Variants in ZDHHC14 observed in about 807,000 individuals in gnomAD.
ZDHHC14 encodes zDHHC palmitoyltransferase 14.
Under a neutral mutation model 47.7 loss-of-function variants are expected in ZDHHC14, and 16 were observed. The ratio of observed to expected loss-of-function variants is 0.34; its 90% CI spans 0.23 to 0.51. ZDHHC14 has a LOEUF of 0.51. Ranked by LOEUF, ZDHHC14 falls within the 20% of genes least tolerant of loss-of-function variation. The pLI, the probability that ZDHHC14 is intolerant of heterozygous loss-of-function variation, is 0.97. For synonymous variants in ZDHHC14, 293 were observed against 278.9 expected, an observed-to-expected ratio of 1.05 and a Z score of -0.50; for missense variants, 515 against 662.5, an observed-to-expected ratio of 0.78 and a Z score of 2.44.
At chr6:157,497,911 C>T (rs1173870922) in intron 1 of ZDHHC14, among the ~76,000 whole-genome samples, 2 of 152,176 alleles carry the variant, frequency 1.3e-5, no homozygotes, top group East Asian at 1.9e-4. Flanking sequence ...TTTCTGTCTT[C>T]TCATAGCTTA....
chr6:157,518,580 C>A (rs1214147327), intron 1 of ZDHHC14, among the ~76,000 whole-genome samples: 1 of 152,142 alleles, frequency 6.6e-6, no homozygotes, highest in Non-Finnish European at 1.5e-5. Context: ...AGGTGACACC[C>A]AACCGCCCCG....
At chr6:157,653,727 C>A in intron 8 of ZDHHC14, 100 bp downstream of exon 8, 2 of 1,224,280 alleles carry the variant, frequency 1.6e-6, no homozygotes, top group Non-Finnish European at 2.3e-6. Flanking sequence ...TCCCCAGGAG[C>A]GGGGGCAGCC....
intron 2 of ZDHHC14, among the ~76,000 whole-genome samples, chr6:157,569,284 T>C (rs1009264194): frequency 7.9e-5 from 12 of 152,070 alleles, no homozygotes; most frequent in Non-Finnish European, 5.9e-5. Context: ...TTTTAGTCTC[T>C]GGTATGTCTT....
intron 1 of ZDHHC14, among the ~76,000 whole-genome samples, chr6:157,500,084 G>C (rs1487610925): frequency 6.6e-6 from 1 of 152,212 alleles, no homozygotes; most frequent in African/African-American, 2.4e-5. Flanking sequence ...TTGAGGAGAT[G>C]AGGCTGTGTT....
chr6:157,593,461 G>T (rs568939717), intron 3 of ZDHHC14, among the ~76,000 whole-genome samples: 28 of 152,286 alleles, frequency 1.8e-4, no homozygotes, highest in Non-Finnish European at 3.5e-4. Context: ...ATTGCCACAG[G>T]TCTGGCCACA....
chr6:157,415,436 G>T (rs1777954336), intron 1 of ZDHHC14, among the ~76,000 whole-genome samples: 1 of 152,192 alleles, frequency 6.6e-6, no homozygotes. Flanking sequence ...ATTGAGGAAA[G>T]AATAGAAATT....
intron 1 of ZDHHC14, among the ~76,000 whole-genome samples, chr6:157,383,293 AT>A (rs1359633766): frequency 6.6e-6 from 1 of 152,176 alleles, no homozygotes; most frequent in Non-Finnish European, 1.5e-5. Flanking sequence ...TCCCCTCAGA[AT>A]TTAAAGAAAG....
In ZDHHC14 at chr6:157,381,899, G is replaced by A. The variant is rs1197605328; in HGVS notation, c.-123G>A. 8.4e-5 allele frequency: 72 copies of A among 861,958 alleles called. No individual in the cohort carries two copies. The highest frequency in any genetic ancestry group is 5.8e-4 in the Middle Eastern group (1 of 1,714). 53.4% of individuals were successfully genotyped at this position (861,958 alleles called of 1,614,324 possible). A position where few individuals can be genotyped will look rare whatever the true frequency, so the allele number is the denominator to read the frequency against. On this transcript the variant is annotated 5_prime_UTR_variant, in exon 1 of 9. Coordinates refer to ENST00000359775, the MANE Select transcript of ZDHHC14 (RefSeq NM_024630.3). ...AGTTGTCGCCGAGCCGGGAGCCCGT[G>A]TAGGGGCCGCGGCGCCGCGGCTCGG...
rs552502003 is a variant in ZDHHC14 at position 157,468,488 on chromosome 6, C to T, written c.246-74097C>T. On this transcript the variant is annotated intron_variant, in intron 1 of 8. Coordinates refer to ENST00000359775, the MANE Select transcript of ZDHHC14 (RefSeq NM_024630.3). Reference sequence around the variant, plus strand: ...TGCCTGTCCAGTTAGAAAGAAGGTTCTTCTCAAGGATTGCAAACATGTGGC... The same window carrying T: ...TGCCTGTCCAGTTAGAAAGAAGGTTTTTCTCAAGGATTGCAAACATGTGGC... Among the ~76,000 whole-genome samples the T allele has an allele frequency of 1.9e-4, 29 of 152,330 alleles. 1 individual carries two copies. Among genetic ancestry groups the T allele is most frequent in the African/African-American group, 6.5e-4 (27 of 41,576 alleles).
chr6:157,619,719 T>G (rs968544888), intron 3 of ZDHHC14, among the ~76,000 whole-genome samples: 184 of 152,252 alleles, frequency 1.2e-3, no homozygotes, highest in African/African-American at 4.2e-3. Context: ...GGTTTGTTTT[T>G]TTTTTTTAAC....
chr6:157,629,586 A>T (rs529643776), intron 4 of ZDHHC14: 1 of 152,294 alleles, frequency 6.6e-6, no homozygotes, highest in South Asian at 2.1e-4. Flanking sequence ...ATATTAGTCA[A>T]ATTGGGCCGT....
chr6:157,605,062 C>T (rs952742980), intron 3 of ZDHHC14, among the ~76,000 whole-genome samples: 1 of 152,198 alleles, frequency 6.6e-6, no homozygotes. Context: ...CCAAATTCCA[C>T]CCACTATTTG....
intron 8 of ZDHHC14, among the ~76,000 whole-genome samples, chr6:157,657,792 AT>A (rs1487874965): frequency 6.6e-6 from 1 of 152,230 alleles, no homozygotes; most frequent in African/African-American, 2.4e-5. Flanking sequence ...TCTGTTCCAC[AT>A]GCTAAATGCT....
At chr6:157,422,275 G>A (rs1778124267) in intron 1 of ZDHHC14, among the ~76,000 whole-genome samples, 1 of 152,198 alleles carries the variant, frequency 6.6e-6, no homozygotes, top group African/African-American at 2.4e-5. Flanking sequence ...GATAGATGTG[G>A]ACATTGGTGC....
intron 3 of ZDHHC14, among the ~76,000 whole-genome samples, chr6:157,612,082 A>G (rs1488275451): frequency 6.6e-6 from 1 of 152,196 alleles, no homozygotes; most frequent in East Asian, 1.9e-4. Flanking sequence ...CAGGCTACAC[A>G]GACGTGAGGG....
chr6:157,478,212 T>C (rs952675491), intron 1 of ZDHHC14, among the ~76,000 whole-genome samples: 5 of 135,724 alleles, frequency 3.7e-5, no homozygotes, highest in African/African-American at 1.2e-4. Flanking sequence ...CTCTCTACTT[T>C]GAAGCAATCA....
At chr6:157,528,284 T>C (rs569725809) in intron 1 of ZDHHC14, among the ~76,000 whole-genome samples, 1 of 152,256 alleles carries the variant, frequency 6.6e-6, no homozygotes, top group South Asian at 2.1e-4. Context: ...AGCTGAACAG[T>C]TTTTTTGTTG....
chr6:157,418,198 T>C (rs142703680), intron 1 of ZDHHC14, among the ~76,000 whole-genome samples: 255 of 152,278 alleles, frequency 1.7e-3, no homozygotes, highest in African/African-American at 5.8e-3. Context: ...GCGTGTCTTA[T>C]GGCCCATTCT....
chr6:157,456,056 G>A (rs1278426790), intron 1 of ZDHHC14, among the ~76,000 whole-genome samples: 7 of 152,132 alleles, frequency 4.6e-5, no homozygotes, highest in African/African-American at 1.4e-4. Context: ...AGGTTTCATC[G>A]GAGTTCATTT....
Sources: allele counts gnomAD v4.1 joint callset (sites outside exome capture counted in the v4.1 genomes callset), GRCh38; gene constraint gnomAD v4.1.1; transcripts MANE v1.5; gene names NCBI Gene and HGNC (gene_info 2026-07-23, HGNC 2026-07-21).